The following WDR7 variants were observed in gnomAD, a reference collection of about 807,000 sequenced individuals.
WDR7 encodes the protein WD repeat-containing protein 7.
A neutral mutation model predicts 169.4 loss-of-function variants in WDR7; 46 were observed. The ratio of observed to expected loss-of-function variants is 0.27; its 90% CI spans 0.21 to 0.35. The LOEUF is 0.35. Among genes scored for constraint, WDR7 ranks in the 10% least tolerant of loss-of-function variants. The probability of loss-of-function intolerance (pLI) is 1.00; values close to 1 mark genes in which losing one functional copy is unlikely to be tolerated. For synonymous variants in WDR7, 612 were observed against 666.8 expected (o/e 0.92, Z 1.27); for missense variants, 1,534 against 1,859.3 (o/e 0.83, Z 3.22).
At chr18:56,979,573 T>C (rs890358873) in intron 26 of WDR7, among the ~76,000 whole-genome samples, 1 of 152,168 alleles carries the variant, frequency 6.6e-6, no homozygotes, top group Non-Finnish European at 1.5e-5. Flanking sequence ...GGACATTTTC[T>C]CCAATTACTC....
intron 20 of WDR7, 115 bp from the exon 21 acceptor site, chr18:56,879,829 C>G (rs1400983407): frequency 4.0e-6 from 3 of 758,154 alleles, no homozygotes; most frequent in African/African-American, 3.5e-5. Flanking sequence ...TGTCCTAGTG[C>G]CATTTGCTGA....
rs138862836 is a variant in WDR7, at chr18:56,798,640, G to A, written c.3190+16984G>A. ...CTTATGTTATTGAGGGTGATACTGC[G>A]GTTAAGTAGGTAGTATTTTTCTATG... On this transcript the variant is annotated intron_variant, in intron 19 of 27. Coordinates refer to ENST00000254442, the MANE Select transcript of WDR7 (RefSeq NM_015285.3). Among the ~76,000 whole-genome samples the A allele has an allele frequency of 3.0e-3, 449 of 152,152 alleles. 3 individuals carry two copies. Among genetic ancestry groups the A allele is most frequent in the African/African-American group, 0.01 (429 of 41,496 alleles).
At chr18:57,024,118 G>T (rs1010793192) in intron 27 of WDR7, among the ~76,000 whole-genome samples, 21 of 152,132 alleles carry the variant, frequency 1.4e-4, no homozygotes, top group Admixed American at 6.5e-5. Context: ...TTTGGGAAAA[G>T]ATATTTCAGG....
chr18:56,922,180 T>A lies in WDR7; in HGVS notation c.3527-1742T>A, dbSNP rs982359495. Among the ~76,000 whole-genome samples, 4 of 152,114 alleles carry A rather than the reference T, an allele frequency of 2.6e-5. No homozygotes were observed. In the South Asian group the frequency reaches 8.3e-4, roughly 32 times the overall value. On this transcript the variant is annotated intron_variant, in intron 21 of 27. Transcript: ENST00000254442. Reference sequence around the variant, plus strand: ...GTAGATAACTAGACATTTTGAAATATCATTCTGACAAACTGGGGCAGGGAG... The same window carrying A: ...GTAGATAACTAGACATTTTGAAATAACATTCTGACAAACTGGGGCAGGGAG...
At chr18:56,852,832 G>A (rs2145374030) in intron 20 of WDR7, among the ~76,000 whole-genome samples, 1 of 152,186 alleles carries the variant, frequency 6.6e-6, no homozygotes, top group African/African-American at 2.4e-5. Context: ...CATACTTACT[G>A]ATGAACTGAT....
At chr18:56,895,184 A>C (rs953369208) in intron 21 of WDR7, among the ~76,000 whole-genome samples, 3 of 152,030 alleles carry the variant, frequency 2.0e-5, no homozygotes, top group African/African-American at 7.2e-5. Flanking sequence ...GTAATTGTAT[A>C]TTTGGAAAAC....
chr18:56,920,357 C>G (rs2046697625), intron 21 of WDR7, among the ~76,000 whole-genome samples: 1 of 152,192 alleles, frequency 6.6e-6, no homozygotes, highest in Non-Finnish European at 1.5e-5. Context: ...AAAATTATAA[C>G]ACAATGCACA....
chr18:56,686,987 T>C lies in WDR7; in HGVS notation c.717+13T>C. On this transcript the variant is annotated intron_variant, in intron 7 of 27. Transcript: ENST00000254442. The stretch of plus-strand genomic sequence containing the variant: ...CAAATATTGGAGGGTAAGATAATTA[T>C]ATAAATAAGAAGCTGTATTTTTATC... 6.3e-7 allele frequency: 1 copy of C among 1,598,334 alleles called. No individual in the cohort carries two copies. Among genetic ancestry groups the C allele is most frequent in the Non-Finnish European group, 8.5e-7 (1 of 1,172,584 alleles).
At chr18:56,926,817 G>T (rs1369099632) in intron 22 of WDR7, among the ~76,000 whole-genome samples, 1 of 152,212 alleles carries the variant, frequency 6.6e-6, no homozygotes, top group Non-Finnish European at 1.5e-5. Context: ...ACAAGATTTA[G>T]ATGGAAAATG....
chr18:56,926,037 T>A (rs1295195233), intron 22 of WDR7, among the ~76,000 whole-genome samples: 1 of 152,244 alleles, frequency 6.6e-6, no homozygotes, highest in Non-Finnish European at 1.5e-5. Context: ...GTACTGGTGG[T>A]ACTGGTGGTG....
rs936760427 is a variant in WDR7 at position 56,802,598 on chromosome 18, G to T, written c.3191-13433G>T. Among the ~76,000 whole-genome samples the T allele has an allele frequency of 5.4e-5, 8 of 149,388 alleles. No individual in the cohort carries two copies. The Admixed American group carries it at 5.4e-4, about 10-fold the overall frequency. On this transcript the variant is annotated intron_variant, in intron 19 of 27. Coordinates refer to ENST00000254442, the MANE Select transcript of WDR7 (RefSeq NM_015285.3). ...TTAGCCAGGATGGTCTCGATCTCCT[G>T]ACCTCGTGATACACCCATCTTGGCC...
At chr18:56,794,842 A>G (rs934563525) in intron 19 of WDR7, among the ~76,000 whole-genome samples, 1 of 152,140 alleles carries the variant, frequency 6.6e-6, no homozygotes, top group Admixed American at 6.5e-5. Context: ...TCAATCAATC[A>G]TCTACTTGTC....
intron 26 of WDR7, among the ~76,000 whole-genome samples, chr18:57,003,099 AAAG>A (rs1245129436): frequency 1.3e-5 from 2 of 152,182 alleles, no homozygotes; most frequent in Non-Finnish European, 1.5e-5. Context: ...TTGAGAAATC[AAAG>A]AAGATGTAAA....
chr18:56,937,280 T>G (rs2046973343), intron 23 of WDR7, among the ~76,000 whole-genome samples: 1 of 152,148 alleles, frequency 6.6e-6, no homozygotes, highest in Non-Finnish European at 1.5e-5. Flanking sequence ...TAGTCCTAGC[T>G]GTTTGGGAGG....
chr18:56,901,312 A>T (rs2046397859), intron 21 of WDR7, among the ~76,000 whole-genome samples: 1 of 152,198 alleles, frequency 6.6e-6, no homozygotes, highest in Non-Finnish European at 1.5e-5. Flanking sequence ...TTTTGAAAGG[A>T]CAATCCAGAA....
chr18:56,769,296 C>T (rs966015943), intron 16 of WDR7, among the ~76,000 whole-genome samples: 6 of 151,798 alleles, frequency 4.0e-5, no homozygotes, highest in African/African-American at 1.5e-4. Context: ...CGTGGCTTAC[C>T]GCAGCCTCGA....
intron 20 of WDR7, among the ~76,000 whole-genome samples, chr18:56,838,447 TGATA>T (rs2145314568): frequency 6.6e-6 from 1 of 152,342 alleles, no homozygotes; most frequent in Admixed American, 6.5e-5. Context: ...GGACATCTGC[TGATA>T]GAGTATGGAC....
intron 19 of WDR7, among the ~76,000 whole-genome samples, chr18:56,810,678 G>C (rs1394539882): frequency 3.3e-5 from 5 of 151,576 alleles, no homozygotes; most frequent in Admixed American, 3.3e-4. Context: ...TTTTTCTTCA[G>C]CTATATGGCA....
rs559049082 is a variant in WDR7 at position 56,885,831 on chromosome 18, A to G, written c.3526+5666A>G. ...GACAGAGCGAGACTCTGTCTCAAAA[A>G]AAAAAAAAAACAAAAAACTTCAGAA... On this transcript the variant is annotated intron_variant, in intron 21 of 27. Transcript: ENST00000254442. Among the ~76,000 whole-genome samples the G allele has an allele frequency of 4.2e-3, 634 of 151,860 alleles. 2 individuals are homozygous for G. The highest frequency in any genetic ancestry group is 7.1e-3 in the Non-Finnish European group (484 of 67,950).
Sources: gnomAD v4.1 joint callset for allele counts (sites outside exome capture counted in the v4.1 genomes callset) on GRCh38, gnomAD v4.1.1 for gene constraint, MANE v1.5 for transcripts, NCBI Gene and HGNC (gene_info 2026-07-23, HGNC 2026-07-21) for gene names.